Variants in TMEM140 observed in about 807,000 individuals in gnomAD.
The protein encoded by TMEM140 is transmembrane protein 140.
For missense variants in TMEM140, 236 were observed against 228.5 expected (o/e 1.03, Z -0.21); for synonymous variants, 107 against 106.8 (o/e 1.00, Z -0.01).
rs143180494 is a variant in TMEM140 at position 135,164,706 on chromosome 7, G to A, written c.265G>A (p.Gly89Arg). Residue 89 changes from glycine to arginine, a missense_variant, in exon 2 of 2, where the codon GGG (glycine) becomes AGG (arginine). Transcript: ENST00000275767. ...GLGLARLGVY[G>R]SLVLTLFAPQ... ...GGGCCTGGCCAGGCTTGGCGTGTACGGGTCCCTGGTCCTCACCCTCTTTGC... is the reference window on the plus strand; with the variant it reads ...GGGCCTGGCCAGGCTTGGCGTGTACAGGTCCCTGGTCCTCACCCTCTTTGC... 105 of 1,614,200 alleles carry A rather than the reference G, an allele frequency of 6.5e-5. No individual in the cohort carries two copies. Among genetic ancestry groups the A allele is most frequent in the Non-Finnish European group, 5.4e-5 (64 of 1,180,022 alleles).
At chr7:135,153,645 A>G (rs1829718182) in intron 1 of TMEM140, among the ~76,000 whole-genome samples, 1 of 152,174 alleles carries the variant, frequency 6.6e-6, no homozygotes, top group Non-Finnish European at 1.5e-5. Flanking sequence ...TATCATATTT[A>G]TTGATTTGCA....
rs555560730 is a variant in TMEM140 at position 135,165,074 on chromosome 7, C to T, written c.*75C>T. On this transcript the variant is annotated 3_prime_UTR_variant, in exon 2 of 2. Coordinates refer to ENST00000275767, the MANE Select transcript of TMEM140 (RefSeq NM_018295.5). The stretch of plus-strand genomic sequence containing the variant: ...ACATCTGCTCAGCCATCTCATTTTA[C>T]AGCTAACGCTGATCTCCAGCTCCAG... 3 of 1,476,512 alleles carry T rather than the reference C, an allele frequency of 2.0e-6. No individual in the cohort carries two copies. Among genetic ancestry groups the T allele is most frequent in the East Asian group, 2.3e-5 (1 of 43,470 alleles). The allele number at this position is 1,476,512 out of a possible 1,614,324, so 91.5% of individuals were successfully genotyped here.
chr7:135,158,860 A>G (rs990679535), intron 1 of TMEM140, among the ~76,000 whole-genome samples: 5 of 152,190 alleles, frequency 3.3e-5, no homozygotes, highest in Non-Finnish European at 4.4e-5. Flanking sequence ...GAGTCCCAGT[A>G]TCTAGGCTCT....
At chr7:135,157,158 T>C (rs1829815730) in intron 1 of TMEM140, among the ~76,000 whole-genome samples, 1 of 152,262 alleles carries the variant, frequency 6.6e-6, no homozygotes. Context: ...ACATGTTTCC[T>C]GTATCCTTCC....
intron 1 of TMEM140, among the ~76,000 whole-genome samples, chr7:135,149,748 A>G (rs1429524858): frequency 1.3e-5 from 2 of 152,222 alleles, no homozygotes; most frequent in Non-Finnish European, 2.9e-5. Flanking sequence ...ATCTTTAATT[A>G]CATTAGAAAA....
intron 1 of TMEM140, among the ~76,000 whole-genome samples, chr7:135,163,646 AAAAC>A (rs969567514): frequency 9.2e-5 from 14 of 152,332 alleles, no homozygotes; most frequent in South Asian, 4.1e-4. Flanking sequence ...CTCCATCTCA[AAAAC>A]AAACAAACAA....
chr7:135,157,488 C>G (rs2117447460), intron 1 of TMEM140, among the ~76,000 whole-genome samples: 1 of 152,316 alleles, frequency 6.6e-6, no homozygotes, highest in Middle Eastern at 3.4e-3. Context: ...TTTTTAGGCC[C>G]CACAGCAGCT....
intron 1 of TMEM140, among the ~76,000 whole-genome samples, chr7:135,148,803 G>A (rs1240975318): frequency 3.3e-5 from 5 of 152,164 alleles, no homozygotes; most frequent in Admixed American, 3.3e-4. Flanking sequence ...TAGATCTTAT[G>A]TTAGTCATTA....
At position 135,151,547 on chromosome 7, in the gene TMEM140, G is replaced by A. The variant is rs1246227176; in HGVS notation, c.-25+3277G>A. Among the ~76,000 whole-genome samples, 3 of 152,088 alleles carry A rather than the reference G, an allele frequency of 2.0e-5. No homozygotes were observed. The highest frequency in any genetic ancestry group is 4.8e-5 in the African/African-American group (2 of 41,396). The stretch of plus-strand genomic sequence containing the variant: ...CCAGTTCTCCTCTCTCCATTCAGGC[G>A]ACACACCCAACCATGTCTACCTGAC... On this transcript the variant is annotated intron_variant, in intron 1 of 1. Transcript: ENST00000275767. This position sits in a 1 kb window ranked among gnomAD's most constrained non-coding sequence, Gnocchi z 4.3.
At position 135,148,188 on chromosome 7, in the gene TMEM140, G is replaced by A. The variant is rs991377744; in HGVS notation, c.-107G>A. The A allele has an allele frequency of 2.3e-6, 1 of 432,040 alleles. No individual in the cohort carries two copies. Among genetic ancestry groups the A allele is most frequent in the Non-Finnish European group, 4.6e-6 (1 of 219,094 alleles). 26.8% of individuals were successfully genotyped at this position (432,040 alleles called of 1,614,324 possible). On this transcript the variant is annotated 5_prime_UTR_variant, in exon 1 of 2. Transcript: ENST00000275767. ...TGGAGTCTGACATTAGAAAGCCAGC[G>A]AGAAGGAAGATTCAAACAACCAACC...
chr7:135,149,608 C>T (rs1426139035), intron 1 of TMEM140, among the ~76,000 whole-genome samples: 1 of 152,126 alleles, frequency 6.6e-6, no homozygotes, highest in African/African-American at 2.4e-5. Flanking sequence ...AATCTGCCTC[C>T]CTGAAAGTTT....
In TMEM140 at chr7:135,162,445, T is replaced by C. The variant is rs373736783; in HGVS notation, c.-24-1973T>C. Among the ~76,000 whole-genome samples, 7 of 152,200 alleles carry C rather than the reference T, an allele frequency of 4.6e-5. No homozygotes were observed. In the East Asian group the frequency reaches 1.2e-3, roughly 25 times the overall value. ...GTATTAGTCCATTTTCATACTGCTA[T>C]GAAGAGATACCCAGTAATTTGAAAA... On this transcript the variant is annotated intron_variant, in intron 1 of 1. Transcript: ENST00000275767.
intron 1 of TMEM140, among the ~76,000 whole-genome samples, chr7:135,158,476 C>A (rs919927918): frequency 6.6e-6 from 1 of 152,122 alleles, no homozygotes; most frequent in African/African-American, 2.4e-5. Flanking sequence ...GTGGAACACA[C>A]AGGATGGCCA....
chr7:135,162,490 C>G (rs1829968279), intron 1 of TMEM140, among the ~76,000 whole-genome samples: 1 of 152,220 alleles, frequency 6.6e-6, no homozygotes, highest in Non-Finnish European at 1.5e-5. Flanking sequence ...GTTTAATGGA[C>G]TCATAGTTCC....
chr7:135,158,006 G>C (rs987296884), intron 1 of TMEM140, among the ~76,000 whole-genome samples: 1 of 151,668 alleles, frequency 6.6e-6, no homozygotes, highest in African/African-American at 2.4e-5. Flanking sequence ...ACAGCAACCC[G>C]TAGCAGGCAC....
chr7:135,164,160 G>A (rs1830019407), intron 1 of TMEM140, among the ~76,000 whole-genome samples: 1 of 152,232 alleles, frequency 6.6e-6, no homozygotes, highest in Non-Finnish European at 1.5e-5. Context: ...ACTTCACTCA[G>A]TTTAAGATGT....
chr7:135,164,852 T>C lies in TMEM140; in HGVS notation c.411T>C (p.Tyr137=). Residue 137 remains tyrosine, a synonymous_variant, in exon 2 of 2, where the codon TAT becomes TAC. Transcript: ENST00000275767. ...LAGGLGLFLS[Y]VWKWVRLSLP... is the part of the protein sequence containing the mutation. ...GCGGCCTGGGCCTCTTCCTCTCCTA[T>C]GTGTGGAAGTGGGTCAGGCTCTCCC... 2 of 1,613,956 alleles carry C rather than the reference T, an allele frequency of 1.2e-6. No individual in the cohort carries two copies. The highest frequency in any genetic ancestry group is 1.6e-4 in the Middle Eastern group (1 of 6,062).
intron 1 of TMEM140, among the ~76,000 whole-genome samples, chr7:135,152,297 A>G (rs995740719): frequency 1.8e-4 from 27 of 152,226 alleles, no homozygotes; most frequent in African/African-American, 5.5e-4. Context: ...CACTACGTCA[A>G]ATGGGAACAG....
intron 1 of TMEM140, among the ~76,000 whole-genome samples, chr7:135,155,202 C>T (rs889456972): frequency 2.0e-5 from 3 of 152,102 alleles, no homozygotes; most frequent in Admixed American, 1.3e-4. Flanking sequence ...TTTTTCCACC[C>T]CTTTGTTTTC....
Sources: allele counts gnomAD v4.1 joint callset (sites outside exome capture counted in the v4.1 genomes callset), GRCh38; gene constraint gnomAD v4.1.1; non-coding constraint Gnocchi (gnomAD v3.1); transcripts MANE v1.5; gene names NCBI Gene and HGNC (gene_info 2026-07-23, HGNC 2026-07-21).